Variants in SYNE1 observed in about 807,000 individuals in gnomAD.
SYNE1 encodes the protein spectrin repeat containing nuclear envelope protein 1, also known as nesprin-1.
SYNE1 carries 616 observed loss-of-function variants against 1,111.0 expected under a neutral mutation model. The observed-to-expected ratio is 0.55, with a 90% CI of 0.52 to 0.59. SYNE1 has a LOEUF of 0.59. SYNE1 is among the 20% of genes least tolerant of loss of function. The pLI is 0.00. For missense variants in SYNE1, 10,006 were observed against 10,417.0 expected (o/e 0.96, Z 1.72); for synonymous variants, 3,855 against 3,825.8 (o/e 1.01, Z -0.28).
chr6:152,315,741 G>C (rs925831121), intron 87 of SYNE1: 1 of 152,072 alleles, frequency 6.6e-6, no homozygotes, highest in African/African-American at 2.4e-5. Context: ...GGTAACTTAA[G>C]TCCTGTCTGT....
intron 42 of SYNE1, among the ~76,000 whole-genome samples, chr6:152,411,306 A>G (rs1165791458): frequency 1.3e-5 from 2 of 152,348 alleles, no homozygotes; most frequent in South Asian, 2.1e-4. Flanking sequence ...ACTAGCTAGT[A>G]TAAGTCCTCC....
chr6:152,393,248 G>GTTTTGGT (rs1298898390), intron 51 of SYNE1, among the ~76,000 whole-genome samples: 2 of 152,150 alleles, frequency 1.3e-5, no homozygotes, highest in Non-Finnish European at 2.9e-5. Flanking sequence ...CTCTAACGCA[G>GTTTTGGT]TTTTGGTGTA....
intron 131 of SYNE1, among the ~76,000 whole-genome samples, chr6:152,160,775 T>C (rs2062319790): frequency 6.6e-6 from 1 of 152,180 alleles, no homozygotes. Flanking sequence ...GCTCCCAGTA[T>C]TGTTTTGGAG....
intron 137 of SYNE1, chr6:152,146,205 T>G (rs940896047): frequency 1.1e-4 from 17 of 154,970 alleles, no homozygotes; most frequent in African/African-American, 4.1e-4. Flanking sequence ...TATCTAAGTT[T>G]AAACAGAAAG....
intron 71 of SYNE1, 31 bp downstream of exon 71, chr6:152,350,587 C>T (rs372144837): frequency 2.9e-5 from 46 of 1,613,930 alleles, no homozygotes; most frequent in Non-Finnish European, 3.9e-5. Context: ...GGAAAATAAA[C>T]CCTTTTACGG....
intron 119 of SYNE1, 47 bp downstream of exon 119, chr6:152,220,795 A>C: frequency 6.5e-7 from 1 of 1,543,168 alleles, no homozygotes; most frequent in Non-Finnish European, 9.0e-7. Context: ...AAACTTGGGC[A>C]GTCTAAGAAG....
intron 123 of SYNE1, among the ~76,000 whole-genome samples, chr6:152,212,382 A>G (rs945178622): frequency 6.6e-6 from 1 of 152,186 alleles, no homozygotes; most frequent in African/African-American, 2.4e-5. Context: ...TGCGATATGT[A>G]GTCTTTTGTG....
chr6:152,222,759 G>T (rs1458055032), intron 117 of SYNE1, among the ~76,000 whole-genome samples: 1 of 152,122 alleles, frequency 6.6e-6, no homozygotes, highest in South Asian at 2.1e-4. Flanking sequence ...GAAAGATGTT[G>T]ATCAAAAGGA....
chr6:152,385,536 G>C, intron 55 of SYNE1, 138 bp downstream of exon 55: 1 of 887,626 alleles, frequency 1.1e-6, no homozygotes, highest in Non-Finnish European at 1.8e-6. Context: ...TCTTGTTTAT[G>C]TGTAGAATCA....
chr6:152,364,253 CAATT>C (rs1432212284), intron 63 of SYNE1, among the ~76,000 whole-genome samples: 1 of 152,094 alleles, frequency 6.6e-6, no homozygotes, highest in Non-Finnish European at 1.5e-5. Flanking sequence ...AATTGGGAGT[CAATT>C]AAACCTCTTT....
chr6:152,246,729 CA>C (rs1216560398), intron 105 of SYNE1, among the ~76,000 whole-genome samples: 1 of 152,110 alleles, frequency 6.6e-6, no homozygotes, highest in Non-Finnish European at 1.5e-5. Context: ...GCTCCCAGCC[CA>C]GTGGATAAAA....
At position 152,275,867 on chromosome 6, in the gene SYNE1, C is replaced by G. The variant is rs1453998251; in HGVS notation, c.18573+2222G>C. On this transcript the variant is annotated intron_variant, in intron 98 of 145. Coordinates refer to ENST00000367255, the MANE Select transcript of SYNE1 (RefSeq NM_182961.4). ...CTGCACTCCAGCCTGGGTGACAGAG[C>G]AAGACCCTGTCTCAAAAAAAAAAAA... 6.3e-5 allele frequency among the ~76,000 whole-genome samples: 9 copies of G among 143,258 alleles called. No homozygotes were observed. The Admixed American group carries it at 6.4e-4, about 10-fold the overall frequency. 94.0% of individuals were successfully genotyped at this position (143,258 alleles called of 152,430 possible). A position where few individuals can be genotyped will look rare whatever the true frequency, so the allele number is the denominator to read the frequency against.
chr6:152,394,710 G>A (rs941543127), intron 51 of SYNE1, among the ~76,000 whole-genome samples: 3 of 151,752 alleles, frequency 2.0e-5, no homozygotes, highest in Non-Finnish European at 4.4e-5. Context: ...GGGTGGGTGG[G>A]AAATGGAACT....
chr6:152,465,348 G>T lies in SYNE1; in HGVS notation c.1842C>A (p.Asn614Lys), dbSNP rs749976636. 1 of 1,613,818 alleles carries T rather than the reference G, an allele frequency of 6.2e-7. No homozygotes were observed. ...VRSMLEEVISNWDRYGNTVAS... is the reference protein window; with the variant it reads ...VRSMLEEVISKWDRYGNTVAS... ...CCACTGTATTGCCATAGCGATCCCAGTTAGAGATCACTTCTTCCAGCATGC... is the reference window on the plus strand; with the variant it reads ...CCACTGTATTGCCATAGCGATCCCATTTAGAGATCACTTCTTCCAGCATGC... Residue 614 changes from asparagine (N) to lysine (K), a missense_variant, in exon 18 of 146, where the codon AAC (asparagine) becomes AAA (lysine). Asn to Lys is a moderately conservative substitution (Grantham distance 94, BLOSUM62 0). Coordinates refer to ENST00000367255, the MANE Select transcript of SYNE1 (RefSeq NM_182961.4).
rs796260764 is a variant in SYNE1, at chr6:152,179,673, C to CTTTTTTTTTTTTTTTTTTTTTTTTTTTT, written c.23460+435_23460+462dup. On this transcript the variant is annotated intron_variant, in intron 129 of 145. Coordinates refer to ENST00000367255, the MANE Select transcript of SYNE1 (RefSeq NM_182961.4). ...GCAAGTTTATTTTATGCTGGATATC[C>CTTTTTTTTTTTTTTTTTTTTTTTTTTTT]TTTTTTTTTTTTTTTTTTTTTTTTT... Among the ~76,000 whole-genome samples the CTTTTTTTTTTTTTTTTTTTTTTTTTTTT allele has an allele frequency of 1.1e-4, 6 of 55,104 alleles. 1 individual carries two copies. The highest frequency in any genetic ancestry group is 1.6e-4 in the Non-Finnish European group (5 of 32,012). 36.2% of individuals were successfully genotyped at this position (55,104 alleles called of 152,430 possible).
intron 3 of SYNE1, among the ~76,000 whole-genome samples, chr6:152,614,426 CA>C (rs1284992486): frequency 6.6e-6 from 1 of 152,106 alleles, no homozygotes. Context: ...ATAAAAACCA[CA>C]AGGAGATACC....
chr6:152,399,620 G>T lies in SYNE1; in HGVS notation c.7233C>A (p.Phe2411Leu), dbSNP rs1276053557. The T allele has an allele frequency of 1.2e-6, 2 of 1,613,988 alleles. No individual in the cohort carries two copies. Among genetic ancestry groups the T allele is most frequent in the East Asian group, 4.5e-5 (2 of 44,888 alleles). Residue 2411 changes from phenylalanine (F) to leucine (L), a missense_variant, in exon 48 of 146, where the codon TTC becomes TTA. By Grantham distance (22) the Phe-to-Leu change is conservative (BLOSUM62 0). This residue lies in a region of SYNE1 where 4,955 missense variants were observed against 5,017.2 expected (regional missense o/e 0.99). Transcript: ENST00000367255. ...CTAAGGCCCCTCAGAACTCACCACT[G>T]AAGTGTTTTTCCAGAGATTCCTGCA... Reference protein sequence around the residue: ...ASLQESLEKHFSESMQEFQEW... With the variant: ...ASLQESLEKHLSESMQEFQEW...
At chr6:152,356,324 T>C (rs999942132) in intron 66 of SYNE1, among the ~76,000 whole-genome samples, 2 of 151,790 alleles carry the variant, frequency 1.3e-5, no homozygotes, top group Admixed American at 1.3e-4. Flanking sequence ...TCAACATCTT[T>C]TCCATAGTTC....
intron 95 of SYNE1, among the ~76,000 whole-genome samples, chr6:152,289,521 G>A (rs891974249): frequency 6.6e-6 from 1 of 152,228 alleles, no homozygotes; most frequent in African/African-American, 2.4e-5. Flanking sequence ...CTCCTGAGTA[G>A]CTGGGACTAC....
Sources: gnomAD v4.1 joint callset for allele counts (sites outside exome capture counted in the v4.1 genomes callset) on GRCh38, gnomAD v4.1.1 for gene constraint, gnomAD v4.1.1 regional missense constraint, MANE v1.5 for transcripts, NCBI Gene and HGNC (gene_info 2026-07-23, HGNC 2026-07-21) for gene names.